The following LAMA2 variants were observed in gnomAD, a reference collection of about 807,000 sequenced individuals.
LAMA2 encodes laminin subunit alpha-2.
In LAMA2, 269 loss-of-function variants were observed where a neutral mutation model predicts 364.8. The ratio of observed to expected loss-of-function variants is 0.74; its 90% confidence interval spans 0.67 to 0.82. The LOEUF is 0.82. Among genes scored for constraint, LAMA2 ranks in the 40% least tolerant of loss-of-function variants. The pLI, the probability that LAMA2 is intolerant of heterozygous loss-of-function variation, is 0.00. For missense variants in LAMA2, 3,807 were observed against 3,873.2 expected (o/e 0.98, Z 0.45); for synonymous variants, 1,379 against 1,370.6 (o/e 1.01, Z -0.14).
At position 129,287,890 on chromosome 6, in the gene LAMA2, T is replaced by A. The variant is rs1443534658; in HGVS notation, c.2581T>A (p.Ser861Thr). Residue 861 changes from serine to threonine, a missense_variant, in exon 19 of 65, where the codon TCA (serine) becomes ACA (threonine). By Grantham distance (58) the Ser-to-Thr change is moderately conservative. Around this residue, in one of 3 missense-constraint regions of LAMA2, gnomAD observed 3,333 missense variants for 3,345.7 expected, o/e 1.00. Coordinates refer to ENST00000421865, the MANE Select transcript of LAMA2 (RefSeq NM_000426.4). Reference protein sequence around the residue: ...YFGQPSVPGGSCQPCQCNDNL... With the variant: ...YFGQPSVPGGTCQPCQCNDNL... ...TGGACAACCCTCTGTACCTGGAGGA[T>A]CATGTCAGCCATGCCAATGCAATGA... The A allele has an allele frequency of 1.8e-5, 29 of 1,613,908 alleles. No individual in the cohort carries two copies. The highest frequency in any genetic ancestry group is 2.4e-5 in the Non-Finnish European group (28 of 1,179,952).
chr6:129,344,459 G>A (rs1027247670), intron 30 of LAMA2, among the ~76,000 whole-genome samples: 17 of 152,130 alleles, frequency 1.1e-4, no homozygotes, highest in Admixed American at 5.2e-4. Context: ...GGAGAGAGCC[G>A]TTAGAGAAGA....
intron 1 of LAMA2, among the ~76,000 whole-genome samples, chr6:128,990,035 A>C (rs1783510216): frequency 6.6e-6 from 1 of 152,254 alleles, no homozygotes; most frequent in African/African-American, 2.4e-5. Context: ...ACAAACATTC[A>C]TAACATAGAA....
chr6:129,366,433 A>G, intron 33 of LAMA2, 72 bp downstream of exon 33: 3 of 1,539,238 alleles, frequency 1.9e-6, no homozygotes, highest in Non-Finnish European at 2.7e-6. Context: ...ATTGGCTGTA[A>G]TTGGTAAATG....
rs1188017848 is a variant in LAMA2, at chr6:129,267,157, T to C, written c.2260T>C (p.Cys754Arg). The stretch of plus-strand genomic sequence containing the variant: ...TAACGGCACTATTTTTGGTGGCATC[T>C]GTGAGCCATGTCAGTGCTTTGGTCA... Reference protein sequence around the residue: ...RVNGTIFGGICEPCQCFGHAE... With the variant: ...RVNGTIFGGIREPCQCFGHAE... Residue 754 changes from cysteine (C) to arginine (R), a missense_variant, in exon 16 of 65, where the codon TGT (cysteine) becomes CGT (arginine). By Grantham distance (180) the Cys-to-Arg change is radical (BLOSUM62 -3). This residue lies in a region of LAMA2 where 3,333 missense variants were observed against 3,345.7 expected (regional missense o/e 1.00). Coordinates refer to ENST00000421865, the MANE Select transcript of LAMA2 (RefSeq NM_000426.4). 5.6e-6 allele frequency: 9 copies of C among 1,613,478 alleles called. No individual in the cohort carries two copies. The highest frequency in any genetic ancestry group is 7.6e-6 in the Non-Finnish European group (9 of 1,179,516).
chr6:128,890,568 C>T (rs1189332307), intron 1 of LAMA2, among the ~76,000 whole-genome samples: 1 of 151,804 alleles, frequency 6.6e-6, no homozygotes, highest in Non-Finnish European at 1.5e-5. Context: ...CACACACACA[C>T]ATGCTGCTTA....
In LAMA2 at chr6:129,492,437, C is replaced by A; in HGVS notation, c.8198C>A (p.Pro2733Gln). The change falls in exon 58 of 65, where the codon CCA (proline) becomes CAA (glutamine). Residue 2733 changes from proline to glutamine, a missense_variant. Physicochemically the swap from Pro to Gln is moderately conservative, Grantham distance 76 (BLOSUM62 -1). Coordinates refer to ENST00000421865, the MANE Select transcript of LAMA2 (RefSeq NM_000426.4). ...APAEIVIQPE[P>Q]VPTPAFPTPT... ...GCTGAAATAGTTATCCAGCCTGAGC[C>A]AGTTCCCACCCCAGCCTTTCCTACG... The A allele has an allele frequency of 6.2e-7, 1 of 1,614,106 alleles. No individual in the cohort carries two copies. The highest frequency in any genetic ancestry group is 8.5e-7 in the Non-Finnish European group (1 of 1,179,984).
chr6:129,308,431 T>C (rs1774011806), intron 22 of LAMA2, among the ~76,000 whole-genome samples: 2 of 152,214 alleles, frequency 1.3e-5, no homozygotes, highest in Non-Finnish European at 2.9e-5. Context: ...TTGAAGTTGA[T>C]ACCTCATGTT....
At chr6:129,234,252 C>T (rs989651726) in intron 12 of LAMA2, among the ~76,000 whole-genome samples, 1 of 152,144 alleles carries the variant, frequency 6.6e-6, no homozygotes, top group Non-Finnish European at 1.5e-5. Context: ...ATTAGAAAAG[C>T]CTCCAGTAAT....
chr6:129,187,240 C>G (rs1489659058), intron 10 of LAMA2, among the ~76,000 whole-genome samples: 1 of 151,624 alleles, frequency 6.6e-6, no homozygotes, highest in Non-Finnish European at 1.5e-5. Flanking sequence ...AATGATGTCC[C>G]TGGGGACACA....
intron 4 of LAMA2, among the ~76,000 whole-genome samples, chr6:129,126,247 T>C (rs1247702954): frequency 6.6e-6 from 1 of 152,242 alleles, no homozygotes; most frequent in Non-Finnish European, 1.5e-5. Flanking sequence ...TAAAATGTCC[T>C]TCCAGCTTGT....
chr6:129,292,749 A>G (rs1789801508), intron 20 of LAMA2: 2 of 950,458 alleles, frequency 2.1e-6, no homozygotes, highest in Non-Finnish European at 2.5e-6. Context: ...TGTCTCTTGA[A>G]TAATATCATT....
intron 10 of LAMA2, among the ~76,000 whole-genome samples, chr6:129,183,279 A>G (rs537154249): frequency 6.6e-6 from 1 of 151,926 alleles, no homozygotes; most frequent in Non-Finnish European, 1.5e-5. Context: ...GTTTGGTGTC[A>G]TATTATTTAT....
rs1211697213 is a variant in LAMA2 at position 129,391,608 on chromosome 6, G to A, written c.5189G>A (p.Arg1730Lys). The change falls in exon 36 of 65, where the codon AGG becomes AAG. Residue 1730 changes from arginine to lysine, a missense_variant. Coordinates refer to ENST00000421865, the MANE Select transcript of LAMA2 (RefSeq NM_000426.4). ...EIDQMIKELR[R>K]KNLETQKEIA... ...GACCAGATGATTAAAGAACTGAGGAGGAAAAATCTAGAGACACAAAAGGAA... is the reference window on the plus strand; with the variant it reads ...GACCAGATGATTAAAGAACTGAGGAAGAAAAATCTAGAGACACAAAAGGAA... 1.2e-6 allele frequency: 2 copies of A among 1,613,772 alleles called. No homozygotes were observed. Among genetic ancestry groups the A allele is most frequent in the African/African-American group, 1.3e-5 (1 of 74,884 alleles).
intron 14 of LAMA2, among the ~76,000 whole-genome samples, chr6:129,253,779 A>G (rs1786432077): frequency 6.6e-6 from 1 of 152,218 alleles, no homozygotes; most frequent in Non-Finnish European, 1.5e-5. Context: ...GGACAGTTTC[A>G]GTGTCTACCC....
chr6:128,960,327 TCTTTTTTTTTTTTTC>T (rs1204486663), intron 1 of LAMA2, among the ~76,000 whole-genome samples: 1 of 138,960 alleles, frequency 7.2e-6, no homozygotes, highest in Non-Finnish European at 1.5e-5. Flanking sequence ...TTTTGATTAC[TCTTTTTTTTTTTTTC>T]CTTTTTTTTT....
intron 1 of LAMA2, among the ~76,000 whole-genome samples, chr6:128,962,033 T>C (rs1047193876): frequency 6.0e-5 from 9 of 149,872 alleles, no homozygotes; most frequent in Non-Finnish European, 1.3e-4. Context: ...AGACACATCC[T>C]ATCCCCAGCT....
chr6:129,212,730 T>A (rs900656394), intron 12 of LAMA2, among the ~76,000 whole-genome samples: 2 of 152,214 alleles, frequency 1.3e-5, no homozygotes, highest in African/African-American at 4.8e-5. Context: ...TTCACTTAAC[T>A]GAGTTTAATT....
chr6:129,302,364 G>C (rs1337384069), intron 22 of LAMA2, among the ~76,000 whole-genome samples: 3 of 151,948 alleles, frequency 2.0e-5, no homozygotes, highest in Admixed American at 2.0e-4. Flanking sequence ...TGAGTTGTTT[G>C]TTTCCTTAGT....
At chr6:129,277,356 T>G (rs1788401745) in intron 17 of LAMA2, among the ~76,000 whole-genome samples, 1 of 152,324 alleles carries the variant, frequency 6.6e-6, no homozygotes, top group South Asian at 2.1e-4. Context: ...TGTGCATGTT[T>G]ATTTCTCACT....
Sources: gnomAD v4.1 joint callset for allele counts (sites outside exome capture counted in the v4.1 genomes callset) on GRCh38, gnomAD v4.1.1 for gene constraint, gnomAD v4.1.1 regional missense constraint, MANE v1.5 for transcripts, NCBI Gene and HGNC (gene_info 2026-07-23, HGNC 2026-07-21) for gene names.